Variants in CSRNP2 observed in about 807,000 individuals in gnomAD.
The protein encoded by CSRNP2 is cysteine and serine rich nuclear protein 2, also known as cysteine/serine-rich nuclear protein 2.
In CSRNP2, 11 loss-of-function variants were observed where a neutral mutation model predicts 36.6. The ratio of observed to expected loss-of-function variants is 0.30; its 90% CI spans 0.19 to 0.50. CSRNP2 has a LOEUF of 0.50. CSRNP2 is among the 20% of genes least tolerant of loss of function. The probability of loss-of-function intolerance (pLI) is 0.98; values close to 1 mark genes in which losing one functional copy is unlikely to be tolerated. For synonymous variants in CSRNP2, 248 were observed against 275.3 expected (o/e 0.90, Z 0.98); for missense variants, 483 against 691.4 (o/e 0.70, Z 3.38).
At chr12:51,077,242 G>A (rs1226233485) in intron 1 of CSRNP2, among the ~76,000 whole-genome samples, 2 of 152,014 alleles carry the variant, frequency 1.3e-5, no homozygotes, top group African/African-American at 4.8e-5. Context: ...CACTGAACCC[G>A]GCTAGACCCA....
At chr12:51,077,950 G>A (rs1268536275) in intron 1 of CSRNP2, among the ~76,000 whole-genome samples, 1 of 152,166 alleles carries the variant, frequency 6.6e-6, no homozygotes, top group Non-Finnish European at 1.5e-5. Context: ...TTGGATTTAA[G>A]TTCCAGAAGG....
rs1006583845 is a variant in CSRNP2 at position 51,061,474 on chromosome 12, T to G, written c.*2272A>C. The G allele has an allele frequency of 6.6e-6, 1 of 152,606 alleles. No homozygotes were observed. The highest frequency in any genetic ancestry group is 2.4e-5 in the African/African-American group (1 of 41,450). The allele number at this position is 152,606 out of a possible 1,614,324, so 9.5% of individuals were successfully genotyped here. The stretch of plus-strand genomic sequence containing the variant: ...AGAGGCCTAGCTTTCCTAGCAACCA[T>G]GAGCTAGAATTCTGTCCAACTCAGG... On this transcript the variant is annotated 3_prime_UTR_variant, in exon 5 of 5. Transcript: ENST00000228515.
intron 3 of CSRNP2, among the ~76,000 whole-genome samples, chr12:51,070,776 C>T (rs969652026): frequency 6.6e-6 from 1 of 152,106 alleles, no homozygotes; most frequent in Non-Finnish European, 1.5e-5. Context: ...GGAAGACAAA[C>T]ATTAGATGGT....
At chr12:51,066,616 G>T (rs1938366467) in intron 4 of CSRNP2, among the ~76,000 whole-genome samples, 1 of 146,618 alleles carries the variant, frequency 6.8e-6, no homozygotes, top group Non-Finnish European at 1.5e-5. Context: ...ACTCCAGCCT[G>T]GGCGACAGAA....
At chr12:51,083,052 T>A (rs1217013328) in intron 1 of CSRNP2, 1 of 152,232 alleles carries the variant, frequency 6.6e-6, no homozygotes, top group Non-Finnish European at 1.5e-5. Context: ...TCAATCCTCA[T>A]CTGCAATCCT....
intron 2 of CSRNP2, among the ~76,000 whole-genome samples, chr12:51,075,603 A>G (rs565879184): frequency 1.3e-5 from 2 of 152,354 alleles, no homozygotes; most frequent in East Asian, 1.9e-4. Context: ...CTCTGTTGCA[A>G]TAATTCAACT....
At chr12:51,076,671 A>C (rs1198866541) in intron 1 of CSRNP2, 24 bp from the exon 2 acceptor site, 1 of 1,259,124 alleles carries the variant, frequency 7.9e-7, no homozygotes, top group Non-Finnish European at 1.1e-6. Context: ...AAAAGGAATC[A>C]GCATTCCTGT....
chr12:51,077,535 C>A (rs1357523120), intron 1 of CSRNP2, among the ~76,000 whole-genome samples: 1 of 152,166 alleles, frequency 6.6e-6, no homozygotes, highest in African/African-American at 2.4e-5. Context: ...CTGCTCCAGG[C>A]ACTCAATTTT....
chr12:51,073,750 A>C, intron 3 of CSRNP2, 73 bp downstream of exon 3: 3 of 1,443,036 alleles, frequency 2.1e-6, no homozygotes, highest in Admixed American at 2.2e-5. Context: ...AAAAAAAATC[A>C]ATCAACCAAC....
At chr12:51,078,467 GTTC>G (rs1470605873) in intron 1 of CSRNP2, among the ~76,000 whole-genome samples, 1 of 152,144 alleles carries the variant, frequency 6.6e-6, no homozygotes. Context: ...TATCAGTTTA[GTTC>G]TTCATGTTAC....
At position 51,061,886 on chromosome 12, in the gene CSRNP2, C is replaced by G. The variant is rs1375167712; in HGVS notation, c.*1860G>C. On this transcript the variant is annotated 3_prime_UTR_variant, in exon 5 of 5. Transcript: ENST00000228515. Reference sequence around the variant, plus strand: ...CCATAAAGCCAAATTCCCAATTAAGCTTCAGTCCTGTGTTTGAGGGTACCA... The same window carrying G: ...CCATAAAGCCAAATTCCCAATTAAGGTTCAGTCCTGTGTTTGAGGGTACCA... 1 of 152,118 alleles carries G rather than the reference C, an allele frequency of 6.6e-6. No individual in the cohort carries two copies. The highest frequency in any genetic ancestry group is 1.5e-5 in the Non-Finnish European group (1 of 68,032). 9.4% of individuals were successfully genotyped at this position (152,118 alleles called of 1,614,324 possible). A position where few individuals can be genotyped will look rare whatever the true frequency, so the allele number is the denominator to read the frequency against.
chr12:51,068,206 G>A (rs1938599408), intron 3 of CSRNP2, among the ~76,000 whole-genome samples: 1 of 152,166 alleles, frequency 6.6e-6, no homozygotes, highest in Non-Finnish European at 1.5e-5. Context: ...CGTCCAGGCG[G>A]GAGTGCAGTG....
rs369560148 is a variant in CSRNP2 at position 51,076,605 on chromosome 12, C to T, written c.-44G>A. 1.2e-6 allele frequency: 2 copies of T among 1,611,698 alleles called. No individual in the cohort carries two copies. The highest frequency in any genetic ancestry group is 8.5e-7 in the Non-Finnish European group (1 of 1,178,284). Reference sequence around the variant, plus strand: ...CTTGGGGAGCCCACCAAGTTGGCCCCAAAGCCCCTACTCACCACCAGCTAG... The same window carrying T: ...CTTGGGGAGCCCACCAAGTTGGCCCTAAAGCCCCTACTCACCACCAGCTAG... On this transcript the variant is annotated 5_prime_UTR_variant, in exon 2 of 5. Transcript: ENST00000228515.
rs200011790 is a variant in CSRNP2 at position 51,064,455 on chromosome 12, G to C, written c.923C>G (p.Ser308Cys). The change falls in exon 5 of 5, where the codon TCT becomes TGT. Residue 308 changes from serine (S) to cysteine (C), a missense_variant. Transcript: ENST00000228515. ...GAACTCCTGGAAGTCCTGGGTCTCA[G>C]AGCCCTGTGCTCCTGTCAGGCTGCA... ...ASCSLTGAQG[S>C]ETQDFQEFIA... The C allele has an allele frequency of 6.2e-7, 1 of 1,610,502 alleles. No homozygotes were observed. Among genetic ancestry groups the C allele is most frequent in the Non-Finnish European group, 8.5e-7 (1 of 1,177,670 alleles).
In CSRNP2 at chr12:51,067,196, T is replaced by A. The variant is rs1938481779; in HGVS notation, c.708+477A>T. ...GTATTTAGGAAATACTGTTTAGGAATCAGTATTTAGGAAACATTTACTAAA... is the reference window on the plus strand; with the variant it reads ...GTATTTAGGAAATACTGTTTAGGAAACAGTATTTAGGAAACATTTACTAAA... On this transcript the variant is annotated intron_variant, in intron 4 of 4. Transcript: ENST00000228515. The surrounding 1 kb of genome is among the most constrained non-coding windows in gnomAD (Gnocchi z 4.1). Among the ~76,000 whole-genome samples the A allele has an allele frequency of 6.6e-6, 1 of 152,068 alleles. No homozygotes were observed. Among genetic ancestry groups the A allele is most frequent in the Non-Finnish European group, 1.5e-5 (1 of 68,002 alleles).
chr12:51,072,640 TCTC>T (rs1374947764), intron 3 of CSRNP2, among the ~76,000 whole-genome samples: 505 of 26,784 alleles, frequency 0.019, 11 homozygotes, highest in Non-Finnish European at 0.023. Flanking sequence ...CCAGCCTCTC[TCTC>T]TCGAAGAAGA....
intron 3 of CSRNP2, among the ~76,000 whole-genome samples, chr12:51,072,573 A>C (rs1592762581): frequency 4.0e-5 from 2 of 50,348 alleles, no homozygotes. Context: ...AAAAAAAAAA[A>C]AAAAAAAAAA....
chr12:51,069,327 G>C (rs112357796), intron 3 of CSRNP2, among the ~76,000 whole-genome samples: 1 of 132,350 alleles, frequency 7.6e-6, no homozygotes, highest in African/African-American at 3.0e-5. Flanking sequence ...TCTCACTGTC[G>C]CTCAGGATGG....
intron 3 of CSRNP2, among the ~76,000 whole-genome samples, chr12:51,070,984 G>A (rs1939125180): frequency 6.6e-6 from 1 of 152,030 alleles, no homozygotes; most frequent in African/African-American, 2.4e-5. Flanking sequence ...AAAACTGGCC[G>A]GACATGGTGG....
Sources: gnomAD v4.1 joint callset for allele counts (sites outside exome capture counted in the v4.1 genomes callset) on GRCh38, gnomAD v4.1.1 for gene constraint, Gnocchi (gnomAD v3.1) non-coding constraint, MANE v1.5 for transcripts, NCBI Gene and HGNC (gene_info 2026-07-23, HGNC 2026-07-21) for gene names.